The following LCLAT1 variants were observed in gnomAD, a reference collection of about 807,000 sequenced individuals.
LCLAT1 encodes the protein 1-AGP acyltransferase 8.
A neutral mutation model predicts 30.7 loss-of-function variants in LCLAT1; 11 were observed. The observed-to-expected ratio is 0.36, with a 90% CI of 0.23 to 0.59. The LOEUF (loss-of-function observed/expected upper bound fraction) is 0.59. Ranked by LOEUF, LCLAT1 falls within the 20% of genes least tolerant of loss-of-function variation. LCLAT1 has a pLI of 0.77. For synonymous variants in LCLAT1, 155 were observed against 151.3 expected, an observed-to-expected ratio of 1.02 and a Z score of -0.18; for missense variants, 402 against 458.6, an observed-to-expected ratio of 0.88 and a Z score of 1.13.
chr2:30,449,593 C>T (rs1298816828), intron 1 of LCLAT1, among the ~76,000 whole-genome samples: 3 of 151,956 alleles, frequency 2.0e-5, no homozygotes, highest in African/African-American at 4.8e-5. Flanking sequence ...CTCTGCCTCC[C>T]GGGTTCAAGC....
intron 5 of LCLAT1, among the ~76,000 whole-genome samples, chr2:30,609,507 T>C (rs1667629965): frequency 1.3e-5 from 2 of 152,154 alleles, no homozygotes; most frequent in Non-Finnish European, 2.9e-5. Context: ...AGTCCCCATA[T>C]ATTCATGAGA....
At chr2:30,519,987 G>A (rs1426955228) in intron 1 of LCLAT1, among the ~76,000 whole-genome samples, 4 of 152,164 alleles carry the variant, frequency 2.6e-5, no homozygotes, top group African/African-American at 7.2e-5. Context: ...GCCCATTGCC[G>A]CTCCCGATCA....
Position 30,468,440 on chromosome 2 carries a change from AT to A in LCLAT1, c.-5+21059del, listed in dbSNP as rs1426021574. Among the ~76,000 whole-genome samples the A allele has an allele frequency of 3.9e-5, 6 of 152,148 alleles. No individual in the cohort carries two copies. The East Asian group carries it at 1.2e-3, about 29-fold the overall frequency. ...ACTTGGCAATTGCCCTGCAAAATTA[AT>A]TGAAATTTCCATTGTGGTCATTTGT... is the stretch of plus-strand genomic sequence containing the variant. On this transcript the variant is annotated intron_variant, in intron 1 of 5. Coordinates refer to ENST00000379509, the MANE Select transcript of LCLAT1 (RefSeq NM_001002257.3).
chr2:30,610,921 C>T (rs1667705306), intron 5 of LCLAT1, among the ~76,000 whole-genome samples: 1 of 151,960 alleles, frequency 6.6e-6, no homozygotes, highest in Admixed American at 6.6e-5. Context: ...CTGTTACCAT[C>T]CTTGTGCTTT....
At chr2:30,631,848 G>A (rs1009857537) in intron 5 of LCLAT1, among the ~76,000 whole-genome samples, 1 of 152,120 alleles carries the variant, frequency 6.6e-6, no homozygotes, top group Admixed American at 6.5e-5. Context: ...AGAGTTCCAA[G>A]AGCTGTGATT....
chr2:30,492,000 G>T (rs1437699344), intron 1 of LCLAT1, among the ~76,000 whole-genome samples: 1 of 152,150 alleles, frequency 6.6e-6, no homozygotes, highest in East Asian at 1.9e-4. Flanking sequence ...GTAATACTGT[G>T]TCTAGGTTGA....
chr2:30,618,729 A>G (rs763310738), intron 5 of LCLAT1, among the ~76,000 whole-genome samples: 2 of 152,184 alleles, frequency 1.3e-5, no homozygotes, highest in Non-Finnish European at 2.9e-5. Flanking sequence ...ATAAAATTTC[A>G]GTGTTCAGTT....
At chr2:30,548,326 G>A (rs769553475) in intron 3 of LCLAT1, among the ~76,000 whole-genome samples, 2 of 152,110 alleles carry the variant, frequency 1.3e-5, no homozygotes, top group Non-Finnish European at 2.9e-5. Flanking sequence ...CAAAGTGGTC[G>A]GGGTACAGCT....
chr2:30,449,522 G>A (rs1367593788), intron 1 of LCLAT1, among the ~76,000 whole-genome samples: 3 of 149,052 alleles, frequency 2.0e-5, no homozygotes, highest in Non-Finnish European at 4.4e-5. Context: ...TTTTTTGAGA[G>A]GGAGGTTCGC....
chr2:30,455,413 A>G (rs1681782709), intron 1 of LCLAT1, among the ~76,000 whole-genome samples: 1 of 152,174 alleles, frequency 6.6e-6, no homozygotes, highest in Non-Finnish European at 1.5e-5. Flanking sequence ...CAGAATTCTG[A>G]AATCATTATC....
chr2:30,537,578 T>C (rs1251754124), intron 3 of LCLAT1, among the ~76,000 whole-genome samples: 3 of 151,560 alleles, frequency 2.0e-5, no homozygotes, highest in Non-Finnish European at 4.4e-5. Context: ...CACCCAGATA[T>C]ATAAAGCAAA....
intron 1 of LCLAT1, chr2:30,476,613 C>T (rs982438043): frequency 6.2e-5 from 27 of 437,466 alleles, no homozygotes; most frequent in East Asian, 4.9e-4. Context: ...AAGCTCAGAA[C>T]GCTCGCCGAT....
At chr2:30,471,509 C>T (rs1682792847) in intron 1 of LCLAT1, among the ~76,000 whole-genome samples, 1 of 152,218 alleles carries the variant, frequency 6.6e-6, no homozygotes, top group Non-Finnish European at 1.5e-5. Flanking sequence ...TGTGCCTGGC[C>T]AGTATTGTCT....
intron 2 of LCLAT1, among the ~76,000 whole-genome samples, chr2:30,530,418 T>A (rs1011890452): frequency 6.6e-6 from 1 of 152,214 alleles, no homozygotes; most frequent in South Asian, 2.1e-4. Flanking sequence ...TTACAACCAA[T>A]TAATGTGGAC....
At chr2:30,611,697 GTCTGGGC>G (rs1368487532) in intron 5 of LCLAT1, among the ~76,000 whole-genome samples, 3 of 152,142 alleles carry the variant, frequency 2.0e-5, no homozygotes, top group African/African-American at 4.8e-5. Flanking sequence ...TTCTTAACTG[GTCTGGGC>G]TCTGGGCATA....
intron 2 of LCLAT1, among the ~76,000 whole-genome samples, chr2:30,526,873 G>A (rs1685745929): frequency 6.6e-6 from 1 of 151,978 alleles, no homozygotes. Flanking sequence ...TTTTTTTAGA[G>A]GACAGAAGTT....
At chr2:30,573,478 A>G (rs1036280306) in intron 5 of LCLAT1, among the ~76,000 whole-genome samples, 1 of 152,182 alleles carries the variant, frequency 6.6e-6, no homozygotes, top group African/African-American at 2.4e-5. Context: ...CTACTCTAAC[A>G]TGATTTACCC....
chr2:30,568,620 G>T (rs1665623735), intron 5 of LCLAT1, among the ~76,000 whole-genome samples: 1 of 146,550 alleles, frequency 6.8e-6, no homozygotes. Flanking sequence ...CCATTCCCCT[G>T]CCTCAGCCTC....
intron 5 of LCLAT1, among the ~76,000 whole-genome samples, chr2:30,593,592 A>G (rs764459193): frequency 7.9e-5 from 12 of 152,086 alleles, no homozygotes; most frequent in Non-Finnish European, 1.6e-4. Context: ...GAGTAATGTT[A>G]TTTGTATTTT....
Sources: gnomAD v4.1 joint callset for allele counts (sites outside exome capture counted in the v4.1 genomes callset) on GRCh38, gnomAD v4.1.1 for gene constraint, MANE v1.5 for transcripts, NCBI Gene and HGNC (gene_info 2026-07-23, HGNC 2026-07-21) for gene names.